IFT140: variants seen among roughly 807,000 people sequenced by gnomAD.
IFT140 encodes the protein intraflagellar transport 140.
A neutral mutation model predicts 164.6 loss-of-function variants in IFT140; 133 were observed. The observed-to-expected ratio is 0.81, with a 90% confidence interval of 0.70 to 0.93. The LOEUF (loss-of-function observed/expected upper bound fraction) is 0.93. Among genes scored for constraint, IFT140 ranks in the 40% least tolerant of loss-of-function variants. The probability of loss-of-function intolerance (pLI) is 0.00; values close to 1 mark genes in which losing one functional copy is unlikely to be tolerated. For missense variants in IFT140, 2,045 were observed against 1,972.3 expected (o/e 1.04, Z -0.70); for synonymous variants, 860 against 817.3 (o/e 1.05, Z -0.89).
chr16:1,546,720 T>G (rs1400573191), intron 19 of IFT140, among the ~76,000 whole-genome samples: 1 of 152,180 alleles, frequency 6.6e-6, no homozygotes, highest in Non-Finnish European at 1.5e-5. Context: ...CGCCCGCAGC[T>G]CTGGCTTTCA....
At chr16:1,541,377 G>A in intron 19 of IFT140, 1 of 985,412 alleles carries the variant, frequency 1.0e-6, no homozygotes, top group East Asian at 1.1e-4. Flanking sequence ...CTTCTCCTCG[G>A]TCCCAAGTCC....
chr16:1,535,936 G>A (rs1399654622), intron 19 of IFT140, among the ~76,000 whole-genome samples: 3 of 152,232 alleles, frequency 2.0e-5, no homozygotes, highest in African/African-American at 4.8e-5. Context: ...CCGGCCAGGC[G>A]CCCTTCTTCC....
chr16:1,566,231 C>T lies in IFT140; in HGVS notation c.1831G>A (p.Val611Ile), dbSNP rs35301526. The T allele has an allele frequency of 4.9e-4, 785 of 1,613,810 alleles. 1 individual carries two copies. In the African/African-American group the frequency reaches 6.7e-3, roughly 14 times the overall value. The change falls in exon 16 of 31, where the codon GTC (valine) becomes ATC (isoleucine). Residue 611 changes from valine to isoleucine, a missense_variant. Physicochemically the swap from Val to Ile is conservative, Grantham distance 29. Transcript: ENST00000426508. The part of the protein sequence containing the change: ...FYDVEMDTVT[V>I]FDFKTGQIDR... Reference sequence around the variant, plus strand: ...ATTTGTCCAGTCTTGAAGTCAAAGACGGTCACTGTGTCCATTTCAACATCG... The same window carrying T: ...ATTTGTCCAGTCTTGAAGTCAAAGATGGTCACTGTGTCCATTTCAACATCG...
intron 15 of IFT140, 47 bp downstream of exon 15, chr16:1,568,167 GGAC>G (rs1567381361): frequency 7.4e-7 from 1 of 1,349,612 alleles, no homozygotes; most frequent in African/African-American, 1.4e-5. Context: ...TGGCCTGGGA[GGAC>G]AGAGGTGAGG....
At chr16:1,520,963 C>T (rs2040510265) in intron 26 of IFT140, among the ~76,000 whole-genome samples, 155 bp from the exon 27 acceptor site, 1 of 152,220 alleles carries the variant, frequency 6.6e-6, no homozygotes, top group South Asian at 2.1e-4. Flanking sequence ...GGATGTCTCC[C>T]CTGCCTCACC....
intron 18 of IFT140, among the ~76,000 whole-genome samples, chr16:1,559,487 G>A (rs752980009): frequency 6.6e-6 from 1 of 152,206 alleles, no homozygotes; most frequent in Non-Finnish European, 1.5e-5. Flanking sequence ...AGGCCGAGCC[G>A]TTTGAAAATG....
At chr16:1,589,020 C>T (rs1488368789) in intron 7 of IFT140, among the ~76,000 whole-genome samples, 8 of 152,212 alleles carry the variant, frequency 5.3e-5, no homozygotes, top group South Asian at 2.1e-4. Context: ...TGTCACGTCA[C>T]GCAGTCCGTG....
chr16:1,559,392 C>T (rs1163787059), intron 18 of IFT140, among the ~76,000 whole-genome samples: 4 of 152,146 alleles, frequency 2.6e-5, no homozygotes, highest in Non-Finnish European at 5.9e-5. Flanking sequence ...GTCTATCCCA[C>T]GTCACAGCTG....
At chr16:1,570,994 C>A (rs1051358658) in intron 14 of IFT140, among the ~76,000 whole-genome samples, 7 of 152,202 alleles carry the variant, frequency 4.6e-5, no homozygotes, top group Admixed American at 1.3e-4. Context: ...TGGGCTCAAG[C>A]AGTCTTCTCG....
chr16:1,576,874 C>G (rs187057001), intron 13 of IFT140: 1 of 152,206 alleles, frequency 6.6e-6, no homozygotes, highest in South Asian at 2.1e-4. Flanking sequence ...TGGCCCACAT[C>G]GTGCTCCTGT....
chr16:1,595,314 A>C (rs2035404484), intron 4 of IFT140, among the ~76,000 whole-genome samples: 1 of 145,838 alleles, frequency 6.9e-6, no homozygotes, highest in Non-Finnish European at 1.5e-5. Context: ...CAAACAAATA[A>C]ATAAAATAAA....
rs1450946078 is a variant in IFT140 at position 1,518,365 on chromosome 16, G to A, written c.4041-8C>T. On this transcript the variant is annotated splice_region_variant and splice_polypyrimidine_tract_variant and intron_variant, in intron 29 of 30. Coordinates refer to ENST00000426508, the MANE Select transcript of IFT140 (RefSeq NM_014714.4). ...GGGTCCTCTGTGTACGTCCTGCCGAGAGCAGAGATGAGGCCTGGGCCCCGA... is the reference window on the plus strand; with the variant it reads ...GGGTCCTCTGTGTACGTCCTGCCGAAAGCAGAGATGAGGCCTGGGCCCCGA... 6.2e-7 allele frequency: 1 copy of A among 1,611,932 alleles called. No homozygotes were observed. The highest frequency in any genetic ancestry group is 8.5e-7 in the Non-Finnish European group (1 of 1,178,838).
At chr16:1,584,675 G>A (rs1414620140) in intron 10 of IFT140, among the ~76,000 whole-genome samples, 2 of 152,196 alleles carry the variant, frequency 1.3e-5, no homozygotes, top group East Asian at 1.9e-4. Context: ...TGTCTGTTCT[G>A]ATGGGAAGAG....
intron 22 of IFT140, 73 bp from the exon 23 acceptor site, chr16:1,524,989 CT>C (rs2040641244): frequency 3.2e-6 from 5 of 1,548,152 alleles, no homozygotes; most frequent in South Asian, 1.2e-5. Context: ...CACCCCGCCC[CT>C]GTGCCACCCT....
Position 1,586,264 on chromosome 16 carries a change from C to T in IFT140, c.1021G>A (p.Ala341Thr), listed in dbSNP as rs200292484. Residue 341 changes from alanine (A) to threonine (T), a missense_variant, in exon 10 of 31, where the codon GCT (alanine) becomes ACT (threonine). Transcript: ENST00000426508. ...GCTACTCGCCCTCTGTCGGTACCAG[C>T]GGCCAGAAGACCTACAGGTAGAAAC... ...CYCKVKGLLA[A>T]GTDRGRVAMW... 103 of 1,612,326 alleles carry T rather than the reference C, an allele frequency of 6.4e-5. No individual in the cohort carries two copies. Among genetic ancestry groups the T allele is most frequent in the Non-Finnish European group, 8.1e-5 (96 of 1,179,310 alleles).
At position 1,552,984 on chromosome 16, in the gene IFT140, C is replaced by T. The variant is rs1207451625; in HGVS notation, c.2399+4951G>A. 5 of 985,244 alleles carry T rather than the reference C, an allele frequency of 5.1e-6. No homozygotes were observed. The African/African-American group carries it at 8.7e-5, about 17-fold the overall frequency. 61.0% of individuals were successfully genotyped at this position (985,244 alleles called of 1,614,324 possible). On this transcript the variant is annotated intron_variant, in intron 19 of 30. Coordinates refer to ENST00000426508, the MANE Select transcript of IFT140 (RefSeq NM_014714.4). ...GTTATTTTTAATAAAACAGAAGTAT[C>T]CAGGAGCTACCCATGTATAAGAAGC...
At chr16:1,604,859 C>A (rs1432456450) in intron 3 of IFT140, among the ~76,000 whole-genome samples, 3 of 151,902 alleles carry the variant, frequency 2.0e-5, no homozygotes, top group African/African-American at 7.3e-5. Flanking sequence ...GGTTCTTGTT[C>A]TAGAAACCAG....
At position 1,539,521 on chromosome 16, in the gene IFT140, C is replaced by T. The variant is rs570223108; in HGVS notation, c.2400-12725G>A. Among the ~76,000 whole-genome samples, 11 of 152,382 alleles carry T rather than the reference C, an allele frequency of 7.2e-5. No homozygotes were observed. In the South Asian group the frequency reaches 1.7e-3, roughly 23 times the overall value. Reference sequence around the variant, plus strand: ...GTCCTCACCTGCTGCCAGGCTTTCCCGCTGTCCGTACGGGAACCCCTTGGC... The same window carrying T: ...GTCCTCACCTGCTGCCAGGCTTTCCTGCTGTCCGTACGGGAACCCCTTGGC... On this transcript the variant is annotated intron_variant, in intron 19 of 30. Coordinates refer to ENST00000426508, the MANE Select transcript of IFT140 (RefSeq NM_014714.4).
At chr16:1,591,542 C>T (rs2035181449) in intron 6 of IFT140, among the ~76,000 whole-genome samples, 1 of 152,262 alleles carries the variant, frequency 6.6e-6, no homozygotes, top group African/African-American at 2.4e-5. Context: ...CTCTCATCTC[C>T]TCAGCCACGC....
Sources: gnomAD v4.1 joint callset for allele counts (sites outside exome capture counted in the v4.1 genomes callset) on GRCh38, gnomAD v4.1.1 for gene constraint, MANE v1.5 for transcripts, NCBI Gene and HGNC (gene_info 2026-07-23, HGNC 2026-07-21) for gene names.